GRID2: variants seen among roughly 807,000 people sequenced by gnomAD.
The protein encoded by GRID2 is glutamate ionotropic receptor delta type subunit 2.
Under a neutral mutation model 114.8 loss-of-function variants are expected in GRID2, and 33 were observed. The ratio of observed to expected loss-of-function variants is 0.29; its 90% CI spans 0.22 to 0.38. The LOEUF is 0.38. Among genes scored for constraint, GRID2 ranks in the 10% least tolerant of loss-of-function variants. GRID2 has a pLI of 1.00. For synonymous variants in GRID2, 505 were observed against 449.9 expected, an observed-to-expected ratio of 1.12 and a Z score of -1.55; for missense variants, 1,184 against 1,257.7, an observed-to-expected ratio of 0.94 and a Z score of 0.89.
At chr4:93,169,188 T>C (rs1738559591) in intron 4 of GRID2, among the ~76,000 whole-genome samples, 1 of 139,144 alleles carries the variant, frequency 7.2e-6, no homozygotes, top group African/African-American at 2.7e-5. Flanking sequence ...ACACACAAAC[T>C]TAAAATAGGC....
chr4:92,688,865 G>T (rs1056466669), intron 2 of GRID2, among the ~76,000 whole-genome samples: 6 of 152,080 alleles, frequency 3.9e-5, no homozygotes, highest in African/African-American at 1.2e-4. Flanking sequence ...GTCTATCAAA[G>T]AAATCACCAT....
intron 13 of GRID2, among the ~76,000 whole-genome samples, chr4:93,533,120 G>T (rs889890349): frequency 2.0e-5 from 3 of 151,978 alleles, no homozygotes; most frequent in Non-Finnish European, 2.9e-5. Flanking sequence ...CCCAACAGTT[G>T]TCCCACCTTT....
At chr4:93,219,434 T>A (rs1183063242) in intron 6 of GRID2, among the ~76,000 whole-genome samples, 1 of 152,130 alleles carries the variant, frequency 6.6e-6, no homozygotes, top group Non-Finnish European at 1.5e-5. Context: ...TCCTGACTCA[T>A]ACCTTCATCT....
intron 2 of GRID2, among the ~76,000 whole-genome samples, chr4:92,721,641 A>G (rs183335923): frequency 1.1e-3 from 163 of 152,300 alleles, no homozygotes; most frequent in Non-Finnish European, 1.6e-3. Flanking sequence ...AAAAATGCCA[A>G]TAAAAGGATC....
At chr4:92,876,344 G>A (rs1745630078) in intron 2 of GRID2, among the ~76,000 whole-genome samples, 1 of 151,288 alleles carries the variant, frequency 6.6e-6, no homozygotes. Context: ...TGTCGCCCAG[G>A]CTGGAGTGCA....
At chr4:93,691,669 A>G (rs1726575894) in intron 14 of GRID2, among the ~76,000 whole-genome samples, 1 of 152,114 alleles carries the variant, frequency 6.6e-6, no homozygotes, top group African/African-American at 2.4e-5. Flanking sequence ...TATTTTTATC[A>G]TGCTGAAGAC....
At chr4:93,035,314 T>A (rs2149262226) in intron 2 of GRID2, among the ~76,000 whole-genome samples, 1 of 152,194 alleles carries the variant, frequency 6.6e-6, no homozygotes. Flanking sequence ...GTTTTCACTA[T>A]TTTTGCCCAG....
At chr4:93,395,410 G>A (rs1354043617) in intron 8 of GRID2, among the ~76,000 whole-genome samples, 197 bp from the exon 9 acceptor site, 1 of 151,930 alleles carries the variant, frequency 6.6e-6, no homozygotes, top group Non-Finnish European at 1.5e-5. Context: ...GTACTGTCAT[G>A]TGCCATATAA....
chr4:92,378,210 C>T (rs1264888638), intron 1 of GRID2, among the ~76,000 whole-genome samples: 1 of 151,870 alleles, frequency 6.6e-6, no homozygotes, highest in Non-Finnish European at 1.5e-5. Flanking sequence ...TAAGTCATCA[C>T]CCCCAGCCCT....
intron 1 of GRID2, among the ~76,000 whole-genome samples, chr4:92,473,204 A>G (rs1722128495): frequency 6.6e-6 from 1 of 151,986 alleles, no homozygotes; most frequent in South Asian, 2.1e-4. Context: ...TTGACCATGT[A>G]ATTTTGTGTT....
intron 8 of GRID2, among the ~76,000 whole-genome samples, chr4:93,363,264 C>G (rs1384765066): frequency 6.6e-6 from 1 of 152,130 alleles, no homozygotes; most frequent in Non-Finnish European, 1.5e-5. Flanking sequence ...GGACCTCAAT[C>G]TCCTTTCATG....
intron 2 of GRID2, among the ~76,000 whole-genome samples, chr4:92,605,413 C>T (rs1372846360): frequency 1.3e-5 from 2 of 150,962 alleles, no homozygotes; most frequent in East Asian, 4.0e-4. Flanking sequence ...TTCAAGTACT[C>T]AAGGAATGTA....
At chr4:93,021,592 T>C (rs1723325009) in intron 2 of GRID2, among the ~76,000 whole-genome samples, 1 of 145,798 alleles carries the variant, frequency 6.9e-6, no homozygotes. Context: ...ATAATTTTTA[T>C]CTTAATCTTA....
intron 13 of GRID2, among the ~76,000 whole-genome samples, chr4:93,553,984 A>G (rs1734053265): frequency 6.6e-6 from 1 of 152,190 alleles, no homozygotes; most frequent in Admixed American, 6.6e-5. Flanking sequence ...TAATTAATAC[A>G]AATTCCTGAA....
chr4:92,411,643 G>GTATATATATA (rs1452745976), intron 1 of GRID2, among the ~76,000 whole-genome samples: 1 of 95,548 alleles, frequency 1.0e-5, no homozygotes, highest in Non-Finnish European at 2.1e-5. Flanking sequence ...GTGTGTGTGT[G>GTATATATATA]TGTGTGTGTG....
Position 93,105,603 on chromosome 4 carries a change from T to C in GRID2, c.530-5145T>C, listed in dbSNP as rs529988001. Among the ~76,000 whole-genome samples, 10 of 152,300 alleles carry C rather than the reference T, an allele frequency of 6.6e-5. No individual in the cohort carries two copies. In the East Asian group the frequency reaches 1.7e-3, roughly 27 times the overall value. ...ATAATCAGTGTCAGCAATGCTGTGT[T>C]CTCTGGTGGCTCTAGGGAAGAGTCA... On this transcript the variant is annotated intron_variant, in intron 3 of 15. Coordinates refer to ENST00000282020, the MANE Select transcript of GRID2 (RefSeq NM_001510.4).
At chr4:92,624,000 T>C (rs1299183224) in intron 2 of GRID2, among the ~76,000 whole-genome samples, 1 of 151,840 alleles carries the variant, frequency 6.6e-6, no homozygotes, top group Non-Finnish European at 1.5e-5. Context: ...TTAAGCATCA[T>C]TGATTGTGGT....
chr4:93,255,439 T>C (rs1049496859), intron 8 of GRID2, among the ~76,000 whole-genome samples: 4 of 152,160 alleles, frequency 2.6e-5, no homozygotes, highest in Non-Finnish European at 5.9e-5. Flanking sequence ...CGTTTTTGTT[T>C]TGTTTTTGTT....
intron 2 of GRID2, among the ~76,000 whole-genome samples, chr4:92,928,373 G>A (rs911240037): frequency 1.3e-5 from 2 of 151,700 alleles, no homozygotes; most frequent in East Asian, 3.9e-4. Context: ...AAGTAGATAT[G>A]TAGAGAATGT....
Sources: allele counts gnomAD v4.1 joint callset (sites outside exome capture counted in the v4.1 genomes callset), GRCh38; gene constraint gnomAD v4.1.1; transcripts MANE v1.5; gene names NCBI Gene and HGNC (gene_info 2026-07-23, HGNC 2026-07-21).